Variants in RNF17 observed in about 807,000 individuals in gnomAD.
RNF17 encodes ring finger protein 17, also known as spermatogenesis associated 23.
Under a neutral mutation model 200.5 loss-of-function variants are expected in RNF17, and 31 were observed. The observed-to-expected ratio is 0.15, with a 90% CI of 0.12 to 0.21. The LOEUF is 0.21. RNF17 is among the 10% of genes least tolerant of loss of function. The pLI is 1.00. For missense variants in RNF17, 1,628 were observed against 1,905.1 expected, an observed-to-expected ratio of 0.85 and a Z score of 2.71; for synonymous variants, 606 against 637.8, an observed-to-expected ratio of 0.95 and a Z score of 0.75.
At chr13:24,823,555 G>C (rs928420256) in intron 15 of RNF17, among the ~76,000 whole-genome samples, 2 of 152,222 alleles carry the variant, frequency 1.3e-5, no homozygotes, top group African/African-American at 4.8e-5. Context: ...CAGAGAAAGA[G>C]GAAGGCGCCA....
chr13:24,760,191 C>T (rs776878184), upstream of RNF17, among the ~76,000 whole-genome samples: 10 of 152,010 alleles, frequency 6.6e-5, no homozygotes, highest in Non-Finnish European at 1.5e-4. Flanking sequence ...TACACATATA[C>T]ACAAGATGTA....
chr13:24,762,369 T>TAAAAAAAAAAAAACAAAAAAAAAA (rs1878833126), upstream of RNF17, among the ~76,000 whole-genome samples: 1 of 113,898 alleles, frequency 8.8e-6, no homozygotes, highest in African/African-American at 3.8e-5. Flanking sequence ...ACTCCATTTC[T>TAAAAAAAAAAAAACAAAAAAAAAA]AAAAAAAAAA....
At chr13:24,786,312 G>A (rs992778772) in intron 6 of RNF17, among the ~76,000 whole-genome samples, 3 of 151,902 alleles carry the variant, frequency 2.0e-5, no homozygotes, top group African/African-American at 7.3e-5. Context: ...TTACAAATCT[G>A]CCCCCCTTTA....
At chr13:24,782,818 C>A (rs764860506) in intron 6 of RNF17, among the ~76,000 whole-genome samples, 5 of 152,090 alleles carry the variant, frequency 3.3e-5, no homozygotes, top group Non-Finnish European at 7.4e-5. Context: ...AAATTTTTGT[C>A]TATATGACTT....
At chr13:24,818,441 CTCTG>C (rs1887656767) in intron 15 of RNF17, among the ~76,000 whole-genome samples, 1 of 152,068 alleles carries the variant, frequency 6.6e-6, no homozygotes, top group African/African-American at 2.4e-5. Flanking sequence ...CTTATTGATA[CTCTG>C]TCTGGATGTT....
intron 18 of RNF17, among the ~76,000 whole-genome samples, chr13:24,836,647 C>A (rs569236552): frequency 1.7e-3 from 254 of 152,240 alleles, no homozygotes; most frequent in African/African-American, 5.7e-3. Flanking sequence ...CTTTTTCAGA[C>A]AAACAAAGGC....
At chr13:24,839,702 C>T (rs534797645) in intron 18 of RNF17, among the ~76,000 whole-genome samples, 3 of 152,216 alleles carry the variant, frequency 2.0e-5, no homozygotes, top group South Asian at 2.1e-4. Flanking sequence ...AAACTGGATC[C>T]GCATCTCTTA....
At chr13:24,864,515 CTT>C (rs1440741110) in intron 28 of RNF17, among the ~76,000 whole-genome samples, 3 of 151,506 alleles carry the variant, frequency 2.0e-5, no homozygotes, top group African/African-American at 4.9e-5. Flanking sequence ...TTAAATGAAA[CTT>C]TATTTCTTCA....
intron 10 of RNF17, chr13:24,794,390 G>A (rs773431820): frequency 1.8e-5 from 6 of 331,778 alleles, no homozygotes; most frequent in Non-Finnish European, 3.0e-5. Context: ...TTTTAATTCC[G>A]GGGCCAGACA....
chr13:24,886,243 G>A, the RNF17 span: 1 of 1,129,574 alleles, frequency 8.9e-7, no homozygotes. Context: ...ACTTGGAAGG[G>A]TCTCGAGCAA....
intron 15 of RNF17, among the ~76,000 whole-genome samples, chr13:24,820,332 G>A (rs945254692): frequency 6.6e-6 from 1 of 152,046 alleles, no homozygotes; most frequent in African/African-American, 2.4e-5. Flanking sequence ...ATGTTGGCCA[G>A]GCTGGTCTAG....
intron 18 of RNF17, among the ~76,000 whole-genome samples, chr13:24,837,961 A>G (rs146149897): frequency 0.011 from 1,649 of 152,292 alleles, 57 homozygotes; most frequent in Admixed American, 0.057. Flanking sequence ...TTAACCAAGA[A>G]AATGAGAGAA....
chr13:24,881,831 T>C (rs1479636309), downstream of RNF17, among the ~76,000 whole-genome samples: 5 of 134,086 alleles, frequency 3.7e-5, no homozygotes, highest in African/African-American at 1.4e-4. Context: ...TAGATACATC[T>C]ATATAGATAT....
chr13:24,823,350 G>T (rs998870679), intron 15 of RNF17, among the ~76,000 whole-genome samples: 2 of 152,222 alleles, frequency 1.3e-5, no homozygotes, highest in Admixed American at 1.3e-4. Flanking sequence ...GGGATTACAG[G>T]TGTGAGCCAC....
chr13:24,874,372 AT>A, intron 33 of RNF17, 123 bp downstream of exon 33: 2 of 757,880 alleles, frequency 2.6e-6, no homozygotes, highest in Non-Finnish European at 3.8e-6. Flanking sequence ...TAAATTAGGA[AT>A]TTTTTTCGTG....
At chr13:24,807,327 T>G (rs1223945978) in intron 15 of RNF17, among the ~76,000 whole-genome samples, 2 of 151,114 alleles carry the variant, frequency 1.3e-5, no homozygotes, top group African/African-American at 4.8e-5. Flanking sequence ...CCTGACTTTT[T>G]AATGATTGCC....
In RNF17 at chr13:24,778,387, A is replaced by G; in HGVS notation, c.410A>G (p.Asn137Ser). Residue 137 changes from asparagine to serine, a missense_variant, in exon 4 of 36, where the codon AAC (asparagine) becomes AGC (serine). Transcript: ENST00000255324. ...RSASTDKTLL[N>S]SSAVMLDTNT... The stretch of plus-strand genomic sequence containing the variant: ...GCCTCCACAGACAAGACTCTTTTGA[A>G]CTCATCAGCTGTAATGTTGGTATGA... 1 of 1,611,520 alleles carries G rather than the reference A, an allele frequency of 6.2e-7. No individual in the cohort carries two copies. The highest frequency in any genetic ancestry group is 8.5e-7 in the Non-Finnish European group (1 of 1,177,646).
At chr13:24,841,182 A>T (rs1338644501) in intron 18 of RNF17, among the ~76,000 whole-genome samples, 3 of 152,244 alleles carry the variant, frequency 2.0e-5, no homozygotes, top group Non-Finnish European at 2.9e-5. Flanking sequence ...GTTAACTCCC[A>T]GTCTAGTTTA....
At chr13:24,858,124 G>C (rs531405979) in intron 25 of RNF17, among the ~76,000 whole-genome samples, 1 of 152,086 alleles carries the variant, frequency 6.6e-6, no homozygotes. Flanking sequence ...CTCCTAATTA[G>C]TACCTATGGA....
Sources: gnomAD v4.1 joint callset for allele counts (sites outside exome capture counted in the v4.1 genomes callset) on GRCh38, gnomAD v4.1.1 for gene constraint, MANE v1.5 for transcripts, NCBI Gene and HGNC (gene_info 2026-07-23, HGNC 2026-07-21) for gene names.